Variants in ZGRF1 observed in about 807,000 individuals in gnomAD.
ZGRF1 encodes the protein zinc finger GRF-type containing 1.
A neutral mutation model predicts 203.5 loss-of-function variants in ZGRF1; 196 were observed. That is an observed-to-expected ratio of 0.96 (90% confidence interval 0.86 to 1.08). The LOEUF (loss-of-function observed/expected upper bound fraction) is 1.08, where lower values mean the gene tolerates loss of function less well. Ranked by LOEUF, ZGRF1 falls within the 50% of genes least tolerant of loss-of-function variation. The pLI is 0.00. For missense variants in ZGRF1, 2,326 were observed against 2,416.3 expected, an observed-to-expected ratio of 0.96 and a Z score of 0.78; for synonymous variants, 809 against 841.3, an observed-to-expected ratio of 0.96 and a Z score of 0.66.
intron 22 of ZGRF1, among the ~76,000 whole-genome samples, chr4:112,553,289 T>C (rs1740300377): frequency 6.6e-6 from 1 of 152,194 alleles, no homozygotes; most frequent in Admixed American, 6.5e-5. Context: ...GATCAAAACT[T>C]GATAAAGGAG....
At chr4:112,615,559 G>T (rs943788257) in intron 6 of ZGRF1, among the ~76,000 whole-genome samples, 1 of 150,740 alleles carries the variant, frequency 6.6e-6, no homozygotes, top group South Asian at 2.1e-4. Flanking sequence ...AAATCTCCAT[G>T]CTAGAACTTT....
chr4:112,546,407 T>A (rs1166411878), intron 24 of ZGRF1, among the ~76,000 whole-genome samples: 6 of 152,234 alleles, frequency 3.9e-5, no homozygotes, highest in African/African-American at 1.4e-4. Flanking sequence ...TTCTGCTATA[T>A]AAACTGCATG....
intron 10 of ZGRF1, among the ~76,000 whole-genome samples, chr4:112,593,453 T>G (rs745320830): frequency 3.9e-5 from 6 of 152,182 alleles, no homozygotes; most frequent in Non-Finnish European, 8.8e-5. Flanking sequence ...AAATATAAAT[T>G]GAATCATGTC....
intron 16 of ZGRF1, among the ~76,000 whole-genome samples, chr4:112,576,654 G>A (rs181661796): frequency 3.9e-3 from 596 of 152,268 alleles, no homozygotes; most frequent in South Asian, 8.5e-3. Context: ...TAGCCGATTC[G>A]ATCAACTGGA....
In ZGRF1 at chr4:112,547,400, C is replaced by A. The variant is rs1430579851; in HGVS notation, c.5483G>T (p.Cys1828Phe). The A allele has an allele frequency of 1.2e-6, 2 of 1,609,690 alleles. No individual in the cohort carries two copies. Among genetic ancestry groups the A allele is most frequent in the Non-Finnish European group, 1.7e-6 (2 of 1,178,496 alleles). ...ATCCCCAACAAGAATCAGCTTTTCACACTCAAACCTAAAACAGAATTTCAA... is the reference window on the plus strand; with the variant it reads ...ATCCCCAACAAGAATCAGCTTTTCAAACTCAAACCTAAAACAGAATTTCAA... ...ASLLPIARFE[C>F]EKLILVGDPK... is the part of the protein sequence containing the mutation. Residue 1828 changes from cysteine (C) to phenylalanine (F), a missense_variant, in exon 24 of 28, where the codon TGT (cysteine) becomes TTT (phenylalanine). By Grantham distance (205) the Cys-to-Phe change is radical. Transcript: ENST00000505019.
intron 10 of ZGRF1, among the ~76,000 whole-genome samples, chr4:112,590,955 T>G (rs1748077953): frequency 6.6e-6 from 1 of 150,896 alleles, no homozygotes; most frequent in South Asian, 2.1e-4. Context: ...CAATAAAGAT[T>G]CAAAGTTTAT....
chr4:112,588,912 A>G (rs1351368989), intron 11 of ZGRF1, among the ~76,000 whole-genome samples: 2 of 152,208 alleles, frequency 1.3e-5, no homozygotes, highest in African/African-American at 4.8e-5. Context: ...TCATGGTATA[A>G]CTGTGAAAAT....
At position 112,539,663 on chromosome 4, in the gene ZGRF1, T is replaced by C. The variant is rs145681416; in HGVS notation, c.6199A>G (p.Asn2067Asp). 41 of 1,602,768 alleles carry C rather than the reference T, an allele frequency of 2.6e-5. No individual in the cohort carries two copies. In the Admixed American group the frequency reaches 5.6e-4, roughly 22 times the overall value. The change falls in exon 28 of 28, where the codon AAC becomes GAC. Residue 2067 changes from asparagine to aspartate, a missense_variant. By Grantham distance (23) the Asn-to-Asp change is conservative. Transcript: ENST00000505019. Reference sequence around the variant, plus strand: ...TGGTTCAGCTGTGGTTCATACTGGTTTGCATGTTGCAATCCATCTTCCCTT... The same window carrying C: ...TGGTTCAGCTGTGGTTCATACTGGTCTGCATGTTGCAATCCATCTTCCCTT... Reference protein sequence around the residue: ...EGREDGLQHANQYEPQLNHLL... With the variant: ...EGREDGLQHADQYEPQLNHLL...
chr4:112,554,125 C>T (rs1740494444), intron 21 of ZGRF1, 143 bp from the exon 22 acceptor site: 1 of 617,236 alleles, frequency 1.6e-6, no homozygotes, highest in African/African-American at 1.9e-5. Context: ...CATATGTATA[C>T]ATGTGCCATG....
At chr4:112,627,255 A>T (rs988429894) in intron 3 of ZGRF1, among the ~76,000 whole-genome samples, 1 of 152,180 alleles carries the variant, frequency 6.6e-6, no homozygotes, top group Non-Finnish European at 1.5e-5. Flanking sequence ...TATATCCAAG[A>T]TCTAAGAGGC....
At position 112,563,122 on chromosome 4, in the gene ZGRF1, A is replaced by C. The variant is rs916583424; in HGVS notation, c.4582+9T>G. ...AAATATAAACTAAAATGAGCATAGT[A>C]ATACTCACTGTTAGTGGGCCAATTA... is the stretch of plus-strand genomic sequence containing the variant. On this transcript the variant is annotated intron_variant, in intron 17 of 27. Transcript: ENST00000505019. 2 of 1,543,068 alleles carry C rather than the reference A, an allele frequency of 1.3e-6. No individual in the cohort carries two copies. The highest frequency in any genetic ancestry group is 2.7e-5 in the African/African-American group (2 of 72,796).
chr4:112,541,051 C>T, intron 25 of ZGRF1, 41 bp downstream of exon 25: 2 of 1,548,514 alleles, frequency 1.3e-6, no homozygotes, highest in Non-Finnish European at 1.8e-6. Context: ...AAACCAGGAA[C>T]CTAAACCATG....
chr4:112,584,147 G>C lies in ZGRF1; in HGVS notation c.4129C>G (p.Pro1377Ala). 1 of 1,608,292 alleles carries C rather than the reference G, an allele frequency of 6.2e-7. No homozygotes were observed. ...AAGAATTTACATCGATCAGCTTTGG[G>C]TCCATCACATGTATAAAAGAGACGA... ...KGRLFYTCDG[P>A]KADRCKFFKW... Residue 1377 changes from proline to alanine, a missense_variant, in exon 15 of 28, where the codon CCC (proline) becomes GCC (alanine). By Grantham distance (27) the Pro-to-Ala change is conservative. Transcript: ENST00000505019.
intron 6 of ZGRF1, among the ~76,000 whole-genome samples, chr4:112,617,165 T>G (rs2046906459): frequency 6.6e-6 from 1 of 152,150 alleles, no homozygotes. Flanking sequence ...TTCACATAAA[T>G]GTGCCAATAT....
intron 10 of ZGRF1, among the ~76,000 whole-genome samples, chr4:112,600,683 C>T (rs531509645): frequency 1.1e-4 from 16 of 152,080 alleles, no homozygotes; most frequent in Non-Finnish European, 1.3e-4. Flanking sequence ...GCATGACTGA[C>T]ATAATGTCCT....
chr4:112,619,127 C>G lies in ZGRF1; in HGVS notation c.915G>C (p.Met305Ile). 1 of 1,613,696 alleles carries G rather than the reference C, an allele frequency of 6.2e-7. No individual in the cohort carries two copies. Among genetic ancestry groups the G allele is most frequent in the Non-Finnish European group, 8.5e-7 (1 of 1,179,854 alleles). Residue 305 changes from methionine to isoleucine, a missense_variant, in exon 6 of 28, where the codon ATG becomes ATC. Met to Ile is a conservative substitution (Grantham distance 10). Transcript: ENST00000505019. Reference sequence around the variant, plus strand: ...GGTAGTATAAATTTTCTGTGCTCTTCATCTCAGCACACTCTTCCTGTTGAA... The same window carrying G: ...GGTAGTATAAATTTTCTGTGCTCTTGATCTCAGCACACTCTTCCTGTTGAA... ...YLIQQEECAE[M>I]KSTENLYYQH...
chr4:112,540,173 T>G (rs1367520117), intron 26 of ZGRF1, 49 bp from the exon 27 acceptor site: 2 of 1,415,918 alleles, frequency 1.4e-6, no homozygotes, highest in East Asian at 5.0e-5. Flanking sequence ...GTGAAGAACT[T>G]AAGCCTCTGA....
At chr4:112,587,202 T>C in intron 12 of ZGRF1, 78 bp downstream of exon 12, 1 of 1,378,390 alleles carries the variant, frequency 7.3e-7, no homozygotes, top group East Asian at 2.3e-5. Context: ...CTATGCAGTA[T>C]ATTTTGGTAA....
chr4:112,586,847 A>G (rs1298314916), intron 12 of ZGRF1, among the ~76,000 whole-genome samples: 1 of 152,174 alleles, frequency 6.6e-6, no homozygotes, highest in South Asian at 2.1e-4. Flanking sequence ...GAAAAAGTTA[A>G]CTGATGTGAA....
Sources: gnomAD v4.1 joint callset for allele counts (sites outside exome capture counted in the v4.1 genomes callset) on GRCh38, gnomAD v4.1.1 for gene constraint, MANE v1.5 for transcripts, NCBI Gene and HGNC (gene_info 2026-07-23, HGNC 2026-07-21) for gene names.